ZBTB11: variants seen among roughly 807,000 people sequenced by gnomAD.
The protein encoded by ZBTB11 is zinc finger and BTB domain containing 11, also known as zinc finger and BTB domain-containing protein 11.
A neutral mutation model predicts 113.1 loss-of-function variants in ZBTB11; 68 were observed. That is an observed-to-expected ratio of 0.60 (90% CI 0.49 to 0.74). The LOEUF (loss-of-function observed/expected upper bound fraction) is 0.74. Ranked by LOEUF, ZBTB11 falls within the 30% of genes least tolerant of loss-of-function variation. ZBTB11 has a pLI of 0.00. For missense variants in ZBTB11, 1,104 were observed against 1,279.4 expected (o/e 0.86, Z 2.09); for synonymous variants, 518 against 452.6 (o/e 1.14, Z -1.83).
At chr3:101,662,681 T>G (rs1936912239) in intron 5 of ZBTB11, among the ~76,000 whole-genome samples, 1 of 152,194 alleles carries the variant, frequency 6.6e-6, no homozygotes, top group South Asian at 2.1e-4. Context: ...ATTTTTTCAT[T>G]TATCTCTTAT....
intron 1 of ZBTB11, 145 bp downstream of exon 1, chr3:101,676,460 A>G (rs1214131489): frequency 1.1e-5 from 9 of 831,244 alleles, no homozygotes; most frequent in Non-Finnish European, 1.4e-5. Flanking sequence ...CGCGTCCCCC[A>G]CCCTCTCGGC....
At position 101,661,864 on chromosome 3, in the gene ZBTB11, C is replaced by T. The variant is rs760188183; in HGVS notation, c.1801-1836G>A. The stretch of plus-strand genomic sequence containing the variant: ...AAAATAATATTTGTATACTGAGTAT[C>T]TCAGACCAATTCTATTATTTTCTTT... On this transcript the variant is annotated intron_variant, in intron 5 of 10. Transcript: ENST00000312938. Among the ~76,000 whole-genome samples the T allele has an allele frequency of 8.0e-4, 122 of 152,070 alleles. 1 individual carries two copies. The highest frequency in any genetic ancestry group is 1.9e-4 in the Non-Finnish European group (13 of 68,006).
At chr3:101,651,861 C>T (rs763119543) in intron 10 of ZBTB11, among the ~76,000 whole-genome samples, 178 bp from the exon 11 acceptor site, 2 of 152,122 alleles carry the variant, frequency 1.3e-5, no homozygotes, top group Non-Finnish European at 2.9e-5. Flanking sequence ...TTGCCGGGCA[C>T]GGTGGCTCAC....
At chr3:101,656,306 C>A in intron 6 of ZBTB11, 58 bp from the exon 7 acceptor site, 1 of 1,094,740 alleles carries the variant, frequency 9.1e-7, no homozygotes, top group Non-Finnish European at 1.2e-6. Context: ...TGTTTCTGAA[C>A]AATGAAGACA....
chr3:101,671,827 A>G (rs1477040500), intron 2 of ZBTB11, 151 bp downstream of exon 2: 4 of 640,380 alleles, frequency 6.2e-6, no homozygotes, highest in Non-Finnish European at 1.1e-5. Flanking sequence ...ATGATAAATG[A>G]AGAGGCAGTT....
At chr3:101,654,682 G>C (rs774592654) in intron 8 of ZBTB11, 22 bp downstream of exon 8, 2 of 1,555,760 alleles carry the variant, frequency 1.3e-6, no homozygotes, top group Non-Finnish European at 1.8e-6. Context: ...TTAACTGAAT[G>C]CCTCACATAT....
chr3:101,668,141 TAA>T (rs35687057), intron 3 of ZBTB11, among the ~76,000 whole-genome samples: 1 of 146,840 alleles, frequency 6.8e-6, no homozygotes. Context: ...ATGGGGGAGC[TAA>T]AAAAAAAAAA....
Position 101,664,729 on chromosome 3 carries a change from A to C in ZBTB11, c.1624-15T>G. On this transcript the variant is annotated splice_polypyrimidine_tract_variant and intron_variant, in intron 4 of 10. Transcript: ENST00000312938. Reference sequence around the variant, plus strand: ...TTCTGAGCCACCTAGTAAGGGATAGAAATCACAATCTAAGTAAATCTACTC... The same window carrying C: ...TTCTGAGCCACCTAGTAAGGGATAGCAATCACAATCTAAGTAAATCTACTC... The C allele has an allele frequency of 1.3e-6, 2 of 1,573,180 alleles. No individual in the cohort carries two copies. Among genetic ancestry groups the C allele is most frequent in the Non-Finnish European group, 8.6e-7 (1 of 1,165,996 alleles).
At chr3:101,659,224 G>T (rs1233342556) in intron 6 of ZBTB11, among the ~76,000 whole-genome samples, 3 of 152,192 alleles carry the variant, frequency 2.0e-5, no homozygotes, top group Non-Finnish European at 4.4e-5. Flanking sequence ...CTGAGAGATA[G>T]AACAAGACCT....
chr3:101,661,148 C>T (rs775086451), intron 5 of ZBTB11, among the ~76,000 whole-genome samples: 1 of 149,914 alleles, frequency 6.7e-6, no homozygotes, highest in East Asian at 2.0e-4. Flanking sequence ...ACAGGAGGAT[C>T]GTTTGAGCCT....
At position 101,651,378 on chromosome 3, in the gene ZBTB11, C is replaced by T. The variant is rs781611958; in HGVS notation, c.2950G>A (p.Glu984Lys). The change falls in exon 11 of 11, where the codon GAG becomes AAG. Residue 984 changes from glutamate (E) to lysine (K), a missense_variant. Physicochemically the swap from Glu to Lys is moderately conservative, Grantham distance 56. This residue lies in a region of ZBTB11 where 90 missense variants were observed against 98.0 expected (regional missense o/e 0.92). Coordinates refer to ENST00000312938, the MANE Select transcript of ZBTB11 (RefSeq NM_014415.4). ...GTTTCTCCTGTCACTACCACAGTCT[C>T]AAGTTCTTGAGGACCACTGCTTTCT... ...EQESSGPQEL[E>K]TVVVTGETME... 1.9e-6 allele frequency: 3 copies of T among 1,614,006 alleles called. No individual in the cohort carries two copies. The highest frequency in any genetic ancestry group is 2.5e-6 in the Non-Finnish European group (3 of 1,179,914).
At chr3:101,661,905 C>T (rs1693390620) in intron 5 of ZBTB11, among the ~76,000 whole-genome samples, 1 of 151,946 alleles carries the variant, frequency 6.6e-6, no homozygotes, top group Admixed American at 6.6e-5. Context: ...CCATTTCTAA[C>T]TTGTCTTTTT....
At chr3:101,673,368 G>A (rs1242209196) in intron 1 of ZBTB11, among the ~76,000 whole-genome samples, 2 of 152,100 alleles carry the variant, frequency 1.3e-5, no homozygotes, top group Non-Finnish European at 2.9e-5. Flanking sequence ...TTACACAAGA[G>A]CACGCTTGTC....
At chr3:101,654,859 A>T in intron 7 of ZBTB11, 38 bp from the exon 8 acceptor site, 2 of 1,547,490 alleles carry the variant, frequency 1.3e-6, no homozygotes, top group African/African-American at 1.4e-5. Flanking sequence ...CATATCCAGC[A>T]ATCAGTCCTC....
chr3:101,659,480 T>C (rs541170430), intron 6 of ZBTB11, among the ~76,000 whole-genome samples: 5 of 152,336 alleles, frequency 3.3e-5, no homozygotes, highest in Admixed American at 6.5e-5. Flanking sequence ...CTAGTCCTGG[T>C]TGGTCCAGTT....
chr3:101,660,721 T>C (rs1177850463), intron 5 of ZBTB11, among the ~76,000 whole-genome samples: 1 of 152,228 alleles, frequency 6.6e-6, no homozygotes, highest in Non-Finnish European at 1.5e-5. Flanking sequence ...TTTATCAATA[T>C]AGTTATATCA....
intron 8 of ZBTB11, among the ~76,000 whole-genome samples, chr3:101,654,397 G>A (rs1302885359): frequency 2.6e-5 from 4 of 152,104 alleles, no homozygotes; most frequent in Admixed American, 6.6e-5. Flanking sequence ...TTTTATTTTA[G>A]GAGGATCTGG....
At position 101,676,921 on chromosome 3, in the gene ZBTB11, C is replaced by T; in HGVS notation, c.-7G>A. The T allele has an allele frequency of 6.4e-7, 1 of 1,556,322 alleles. No individual in the cohort carries two copies. The highest frequency in any genetic ancestry group is 1.2e-5 in the South Asian group (1 of 84,772). Reference sequence around the variant, plus strand: ...AGCTTTCCTCGCTTGACATCGCGGACCGCGGCTCCCTGAGGGCGCCTGTCA... The same window carrying T: ...AGCTTTCCTCGCTTGACATCGCGGATCGCGGCTCCCTGAGGGCGCCTGTCA... On this transcript the variant is annotated 5_prime_UTR_variant, in exon 1 of 11. Coordinates refer to ENST00000312938, the MANE Select transcript of ZBTB11 (RefSeq NM_014415.4).
intron 8 of ZBTB11, 51 bp downstream of exon 8, chr3:101,654,653 G>T: frequency 6.8e-7 from 1 of 1,470,382 alleles, no homozygotes; most frequent in Non-Finnish European, 9.4e-7. Flanking sequence ...TTTGAAAACT[G>T]AGTAAAAACA....
Sources: allele counts gnomAD v4.1 joint callset (sites outside exome capture counted in the v4.1 genomes callset), GRCh38; gene constraint gnomAD v4.1.1; regional missense constraint gnomAD v4.1.1; transcripts MANE v1.5; gene names NCBI Gene and HGNC (gene_info 2026-07-23, HGNC 2026-07-21).